The following MORC1 variants were observed in gnomAD, a reference collection of about 807,000 sequenced individuals.
MORC1 encodes the protein MORC family CW-type zinc finger protein 1.
A neutral mutation model predicts 134.9 loss-of-function variants in MORC1; 59 were observed. That is an observed-to-expected ratio of 0.44 (90% confidence interval 0.35 to 0.54). The LOEUF is 0.54. Ranked by LOEUF, MORC1 falls within the 20% of genes least tolerant of loss-of-function variation. The pLI, the probability that MORC1 is intolerant of heterozygous loss-of-function variation, is 0.00. For synonymous variants in MORC1, 395 were observed against 391.7 expected, an observed-to-expected ratio of 1.01 and a Z score of -0.10; for missense variants, 947 against 1,134.5, an observed-to-expected ratio of 0.83 and a Z score of 2.37.
intron 1 of MORC1, 68 bp downstream of exon 1, chr3:109,117,927 C>T (rs555040448): frequency 3.8e-6 from 5 of 1,313,260 alleles, no homozygotes; most frequent in East Asian, 5.1e-5. Context: ...CCTCAGGGGA[C>T]GGGCAAAACC....
intron 4 of MORC1, among the ~76,000 whole-genome samples, chr3:109,102,536 C>A (rs1345357141): frequency 6.6e-6 from 1 of 152,134 alleles, no homozygotes; most frequent in East Asian, 1.9e-4. Flanking sequence ...CAAGATTGAT[C>A]TAGCTCCGTT....
At chr3:109,058,521 C>T in intron 12 of MORC1, among the ~76,000 whole-genome samples, 1 of 151,872 alleles carries the variant, frequency 6.6e-6, no homozygotes, top group East Asian at 1.9e-4. Context: ...ACTTATTGGA[C>T]TAATTAAATG....
intron 21 of MORC1, among the ~76,000 whole-genome samples, chr3:108,998,725 C>T (rs1231894827): frequency 6.6e-6 from 1 of 151,984 alleles, no homozygotes; most frequent in African/African-American, 2.4e-5. Flanking sequence ...CAACTACAGC[C>T]AAACAGAAAT....
intron 8 of MORC1, among the ~76,000 whole-genome samples, chr3:109,091,368 C>T (rs897135042): frequency 1.1e-4 from 16 of 151,772 alleles, no homozygotes; most frequent in African/African-American, 3.9e-4. Flanking sequence ...CGCTTGAACC[C>T]AGGAGGCAGA....
At chr3:109,038,363 A>C (rs955314326) in intron 14 of MORC1, among the ~76,000 whole-genome samples, 5 of 152,014 alleles carry the variant, frequency 3.3e-5, no homozygotes, top group African/African-American at 1.2e-4. Flanking sequence ...GTAGATTGCA[A>C]ACATTTTCTC....
At chr3:108,982,648 G>A (rs1947767015) in intron 23 of MORC1, among the ~76,000 whole-genome samples, 1 of 150,108 alleles carries the variant, frequency 6.7e-6, no homozygotes, top group Admixed American at 6.7e-5. Context: ...GTTAATGGGT[G>A]CAGCAAACCA....
intron 9 of MORC1, among the ~76,000 whole-genome samples, chr3:109,064,185 T>C (rs1357729574): frequency 6.6e-6 from 1 of 152,176 alleles, no homozygotes; most frequent in East Asian, 1.9e-4. Context: ...TCTGGAAAGA[T>C]ATTTATTAAA....
chr3:109,075,330 G>C (rs1261083772), intron 8 of MORC1, among the ~76,000 whole-genome samples: 2 of 152,172 alleles, frequency 1.3e-5, no homozygotes, highest in Non-Finnish European at 2.9e-5. Context: ...ATGACCCACT[G>C]ACAGACACAC....
intron 8 of MORC1, among the ~76,000 whole-genome samples, chr3:109,074,456 G>C (rs1005874641): frequency 6.6e-6 from 1 of 152,166 alleles, no homozygotes; most frequent in Non-Finnish European, 1.5e-5. Context: ...CTCCAAAAAA[G>C]GAATCAAGAA....
intron 8 of MORC1, among the ~76,000 whole-genome samples, chr3:109,088,900 C>A (rs928552420): frequency 6.6e-6 from 1 of 152,038 alleles, no homozygotes; most frequent in African/African-American, 2.4e-5. Flanking sequence ...AGAACGAGAT[C>A]ATGTCTTTTG....
chr3:109,022,581 C>T (rs1948984604), intron 17 of MORC1, among the ~76,000 whole-genome samples: 1 of 152,140 alleles, frequency 6.6e-6, no homozygotes, highest in Non-Finnish European at 1.5e-5. Flanking sequence ...ATGAACATGA[C>T]GAATGAAATC....
chr3:109,012,154 T>G (rs1298051874), intron 17 of MORC1, among the ~76,000 whole-genome samples: 1 of 150,830 alleles, frequency 6.6e-6, no homozygotes, highest in Non-Finnish European at 1.5e-5. Flanking sequence ...TTTGTTATTT[T>G]GGGGGATATA....
At chr3:108,988,420 G>GA (rs1947953618) in intron 21 of MORC1, among the ~76,000 whole-genome samples, 1 of 151,868 alleles carries the variant, frequency 6.6e-6, no homozygotes, top group South Asian at 2.1e-4. Flanking sequence ...GATTCATTTT[G>GA]AAAAAAATCT....
intron 13 of MORC1, among the ~76,000 whole-genome samples, chr3:109,055,116 C>T (rs1346312306): frequency 4.6e-5 from 7 of 152,086 alleles, no homozygotes; most frequent in Admixed American, 1.3e-4. Context: ...AGAGTTAATA[C>T]GACTCGTTTT....
intron 8 of MORC1, among the ~76,000 whole-genome samples, chr3:109,083,159 T>TC (rs1950553918): frequency 6.6e-6 from 1 of 152,092 alleles, no homozygotes; most frequent in Non-Finnish European, 1.5e-5. Flanking sequence ...ATGCTGCTAT[T>TC]CAAGAACACT....
At chr3:109,088,948 C>G (rs111393624) in intron 8 of MORC1, among the ~76,000 whole-genome samples, 1 of 152,006 alleles carries the variant, frequency 6.6e-6, no homozygotes, top group Admixed American at 6.6e-5. Context: ...TTATTTTTAG[C>G]AAACTAACAC....
Position 109,111,673 on chromosome 3 carries a change from G to A in MORC1, c.120-890C>T, listed in dbSNP as rs76020260. Among the ~76,000 whole-genome samples, 665 of 152,296 alleles carry A rather than the reference G, an allele frequency of 4.4e-3. 15 individuals are homozygous for A. Among genetic ancestry groups the A allele is most frequent in the African/African-American group, 0.015 (635 of 41,550 alleles). On this transcript the variant is annotated intron_variant, in intron 2 of 27. Transcript: ENST00000232603. The stretch of plus-strand genomic sequence containing the variant: ...CAAGGAAGACTTAGCTGATGAGGAA[G>A]AAGGTAAGTTAAGGCAGGGAGGAGT...
intron 3 of MORC1, among the ~76,000 whole-genome samples, chr3:109,108,389 C>A (rs1280344865): frequency 6.6e-6 from 1 of 152,124 alleles, no homozygotes; most frequent in Non-Finnish European, 1.5e-5. Flanking sequence ...ATGGATAAGT[C>A]TTCTCAATCC....
intron 22 of MORC1, among the ~76,000 whole-genome samples, chr3:108,986,592 G>A (rs1947899528): frequency 6.6e-6 from 1 of 152,028 alleles, no homozygotes; most frequent in Non-Finnish European, 1.5e-5. Context: ...AAATTAGAAG[G>A]AGAATTCAAG....
Sources: allele counts gnomAD v4.1 joint callset (sites outside exome capture counted in the v4.1 genomes callset), GRCh38; gene constraint gnomAD v4.1.1; transcripts MANE v1.5; gene names NCBI Gene and HGNC (gene_info 2026-07-23, HGNC 2026-07-21).